The following PEAK1 variants were observed in gnomAD, a reference collection of about 807,000 sequenced individuals.
PEAK1 encodes inactive tyrosine-protein kinase PEAK1.
A neutral mutation model predicts 124.7 loss-of-function variants in PEAK1; 54 were observed. The observed-to-expected ratio is 0.43, with a 90% CI of 0.35 to 0.54. The LOEUF (loss-of-function observed/expected upper bound fraction) is 0.54, where lower values mean the gene tolerates loss of function less well. Ranked by LOEUF, PEAK1 falls within the 20% of genes least tolerant of loss-of-function variation. The pLI, the probability that PEAK1 is intolerant of heterozygous loss-of-function variation, is 0.01. For synonymous variants in PEAK1, 719 were observed against 760.0 expected, an observed-to-expected ratio of 0.95 and a Z score of 0.89; for missense variants, 2,046 against 2,134.5, an observed-to-expected ratio of 0.96 and a Z score of 0.82.
intron 5 of PEAK1, among the ~76,000 whole-genome samples, chr15:77,274,982 G>A (rs1339338868): frequency 6.6e-6 from 1 of 152,102 alleles, no homozygotes; most frequent in Non-Finnish European, 1.5e-5. Flanking sequence ...ATACTACTCA[G>A]CAATAAAAAG....
chr15:77,298,854 G>A (rs1241955660), intron 2 of PEAK1, among the ~76,000 whole-genome samples: 1 of 152,110 alleles, frequency 6.6e-6, no homozygotes, highest in Non-Finnish European at 1.5e-5. Flanking sequence ...AGCGTTACCA[G>A]GGCCTAGCGG....
rs1160380214 is a variant in PEAK1 at position 77,108,860 on chromosome 15, A to C, written c.*5296T>G. On this transcript the variant is annotated 3_prime_UTR_variant, in exon 10 of 10. Coordinates refer to ENST00000682557, the MANE Select transcript of PEAK1 (RefSeq NM_001385026.1). ...GGACACGTCAAGATAAAAAGCTGGAATAAACCCAGAGACTTTCTGGAGTGG... is the reference window on the plus strand; with the variant it reads ...GGACACGTCAAGATAAAAAGCTGGACTAAACCCAGAGACTTTCTGGAGTGG... 1.3e-5 allele frequency: 2 copies of C among 152,228 alleles called. No individual in the cohort carries two copies. The highest frequency in any genetic ancestry group is 1.3e-4 in the Admixed American group (2 of 15,284). 9.4% of individuals were successfully genotyped at this position (152,228 alleles called of 1,614,324 possible). A position where few individuals can be genotyped will look rare whatever the true frequency, so the allele number is the denominator to read the frequency against.
rs2051084310 is a variant in PEAK1 at position 77,113,143 on chromosome 15, T to C, written c.*1013A>G. On this transcript the variant is annotated 3_prime_UTR_variant, in exon 10 of 10. Coordinates refer to ENST00000682557, the MANE Select transcript of PEAK1 (RefSeq NM_001385026.1). Reference sequence around the variant, plus strand: ...AGAGCTCCACTGACAGCTATTTCATTCAGGGCAATTGTTTACAGCATTTGG... The same window carrying C: ...AGAGCTCCACTGACAGCTATTTCATCCAGGGCAATTGTTTACAGCATTTGG... The C allele has an allele frequency of 6.6e-6, 1 of 152,246 alleles. No individual in the cohort carries two copies. Among genetic ancestry groups the C allele is most frequent in the South Asian group, 2.1e-4 (1 of 4,834 alleles). 9.4% of individuals were successfully genotyped at this position (152,246 alleles called of 1,614,324 possible).
chr15:77,236,050 G>T (rs2060107128), intron 6 of PEAK1, among the ~76,000 whole-genome samples: 1 of 152,218 alleles, frequency 6.6e-6, no homozygotes, highest in African/African-American at 2.4e-5. Context: ...TTGCTGCAGG[G>T]GCAGAGTCCT....
rs985562910 is a variant in PEAK1 at position 77,109,779 on chromosome 15, A to T, written c.*4377T>A. On this transcript the variant is annotated 3_prime_UTR_variant, in exon 10 of 10. Coordinates refer to ENST00000682557, the MANE Select transcript of PEAK1 (RefSeq NM_001385026.1). ...GGAGCGGAATTTTCAATCCTTGTCAACTAGTGAGGAGAATGAAAAACATGC... is the reference window on the plus strand; with the variant it reads ...GGAGCGGAATTTTCAATCCTTGTCATCTAGTGAGGAGAATGAAAAACATGC... The T allele has an allele frequency of 3.3e-5, 5 of 152,206 alleles. No homozygotes were observed. Among genetic ancestry groups the T allele is most frequent in the African/African-American group, 1.2e-4 (5 of 41,446 alleles). 9.4% of individuals were successfully genotyped at this position (152,206 alleles called of 1,614,324 possible). A position where few individuals can be genotyped will look rare whatever the true frequency, so the allele number is the denominator to read the frequency against.
chr15:77,398,449 G>C (rs987890713), intron 1 of PEAK1, among the ~76,000 whole-genome samples: 9 of 152,276 alleles, frequency 5.9e-5, no homozygotes, highest in African/African-American at 2.2e-4. Context: ...AAGATGCAAG[G>C]ATGGCTTGAC....
At chr15:77,260,795 T>C (rs188036092) in intron 5 of PEAK1, among the ~76,000 whole-genome samples, 23 of 152,256 alleles carry the variant, frequency 1.5e-4, no homozygotes, top group African/African-American at 5.3e-4. Context: ...AGCACGCAGC[T>C]TGAGATCTGA....
chr15:77,218,014 T>C (rs1402426763), intron 6 of PEAK1, among the ~76,000 whole-genome samples: 1 of 152,168 alleles, frequency 6.6e-6, no homozygotes, highest in Non-Finnish European at 1.5e-5. Context: ...TTTTAAAAAA[T>C]TCCTTAGCAT....
At chr15:77,318,892 C>T (rs1184930622) in intron 2 of PEAK1, among the ~76,000 whole-genome samples, 1 of 151,962 alleles carries the variant, frequency 6.6e-6, no homozygotes, top group African/African-American at 2.4e-5. Flanking sequence ...CTACTACAGT[C>T]GGAGTTAGTA....
chr15:77,381,276 G>A, intron 1 of PEAK1: 4 of 946,464 alleles, frequency 4.2e-6, no homozygotes, highest in Non-Finnish European at 5.0e-6. Flanking sequence ...ATGGCCAGAT[G>A]CAGTGATGTG....
At chr15:77,197,644 C>T (rs2058172337) in intron 6 of PEAK1, among the ~76,000 whole-genome samples, 1 of 151,948 alleles carries the variant, frequency 6.6e-6, no homozygotes, top group South Asian at 2.1e-4. Context: ...TAAGACAAAA[C>T]CCAGGAAAAC....
chr15:77,226,060 T>TATATAG (rs1555449122), intron 6 of PEAK1, among the ~76,000 whole-genome samples: 3 of 89,032 alleles, frequency 3.4e-5, no homozygotes, highest in African/African-American at 1.1e-4. Context: ...TATATATATA[T>TATATAG]ATATATATAT....
At chr15:77,330,411 C>T (rs2065825094) in intron 2 of PEAK1, among the ~76,000 whole-genome samples, 1 of 152,080 alleles carries the variant, frequency 6.6e-6, no homozygotes, top group Non-Finnish European at 1.5e-5. Flanking sequence ...TTTAAAATAT[C>T]AGTCATATTT....
chr15:77,328,556 T>C (rs2153028555), intron 2 of PEAK1, among the ~76,000 whole-genome samples: 1 of 152,280 alleles, frequency 6.6e-6, no homozygotes, highest in South Asian at 2.1e-4. Context: ...CTGCCTACCA[T>C]ATACTAGGCA....
intron 1 of PEAK1, among the ~76,000 whole-genome samples, chr15:77,406,948 C>T (rs984588196): frequency 2.6e-5 from 4 of 152,124 alleles, no homozygotes; most frequent in Non-Finnish European, 5.9e-5. Flanking sequence ...TTGAACAGAA[C>T]AGAGAACCAA....
At chr15:77,357,454 A>G (rs373579653) in intron 2 of PEAK1, among the ~76,000 whole-genome samples, 1 of 152,026 alleles carries the variant, frequency 6.6e-6, no homozygotes, top group Admixed American at 6.6e-5. Flanking sequence ...TGTATTTTTA[A>G]TAGAGATGGG....
intron 2 of PEAK1, among the ~76,000 whole-genome samples, chr15:77,357,370 G>T (rs1339253642): frequency 6.6e-6 from 1 of 152,180 alleles, no homozygotes; most frequent in Non-Finnish European, 1.5e-5. Context: ...CCTCCGGGGT[G>T]CAAGCGACTC....
In PEAK1 at chr15:77,308,514, G is replaced by A. The variant is rs75346145; in HGVS notation, c.-602-22010C>T. ...ATTCCAGTTAATAAATTTCAGTTATGTATGCTTCTCCCAAATGTCAGCTTC... is the reference window on the plus strand; with the variant it reads ...ATTCCAGTTAATAAATTTCAGTTATATATGCTTCTCCCAAATGTCAGCTTC... On this transcript the variant is annotated intron_variant, in intron 2 of 9. Coordinates refer to ENST00000682557, the MANE Select transcript of PEAK1 (RefSeq NM_001385026.1). Among the ~76,000 whole-genome samples, 1,215 of 152,080 alleles carry A rather than the reference G, an allele frequency of 8.0e-3. 14 individuals are homozygous for A. Among genetic ancestry groups the A allele is most frequent in the African/African-American group, 0.028 (1,176 of 41,518 alleles).
chr15:77,400,865 T>C (rs1318426378), intron 1 of PEAK1, among the ~76,000 whole-genome samples: 1 of 152,146 alleles, frequency 6.6e-6, no homozygotes, highest in Non-Finnish European at 1.5e-5. Flanking sequence ...CAATATATTG[T>C]TTGAATTTTT....
Sources: gnomAD v4.1 joint callset for allele counts (sites outside exome capture counted in the v4.1 genomes callset) on GRCh38, gnomAD v4.1.1 for gene constraint, MANE v1.5 for transcripts, NCBI Gene and HGNC (gene_info 2026-07-23, HGNC 2026-07-21) for gene names.